The following SNX33 variants were observed in gnomAD, a reference collection of about 807,000 sequenced individuals.
SNX33 encodes sorting nexin-33.
Under a neutral mutation model 38.8 loss-of-function variants are expected in SNX33, and 19 were observed. The observed-to-expected ratio is 0.49, with a 90% confidence interval of 0.34 to 0.72. The LOEUF is 0.72. SNX33 is among the 30% of genes least tolerant of loss of function. SNX33 has a pLI of 0.01. For synonymous variants in SNX33, 246 were observed against 289.7 expected, an observed-to-expected ratio of 0.85 and a Z score of 1.53; for missense variants, 641 against 776.4, an observed-to-expected ratio of 0.83 and a Z score of 2.07.
rs1234927551 is a variant in SNX33 at position 75,650,938 on chromosome 15, C to A, written c.1471+365C>A. Reference sequence around the variant, plus strand: ...TCTGTGGCAAATGTGCTTCTAGGTGCAGGGATATTGTTGTGCACAGGCCCG... The same window carrying A: ...TCTGTGGCAAATGTGCTTCTAGGTGAAGGGATATTGTTGTGCACAGGCCCG... On this transcript the variant is annotated intron_variant, in intron 1 of 1. Transcript: ENST00000308527. This position sits in a 1 kb window ranked among gnomAD's most constrained non-coding sequence, Gnocchi z 6.1. Among the ~76,000 whole-genome samples the A allele has an allele frequency of 1.4e-5, 2 of 147,064 alleles. No individual in the cohort carries two copies. Among genetic ancestry groups the A allele is most frequent in the Non-Finnish European group, 3.1e-5 (2 of 64,484 alleles).
rs779262863 is a variant in SNX33, at chr15:75,650,616, C to G, written c.1471+43C>G. The G allele has an allele frequency of 6.5e-7, 1 of 1,541,236 alleles. No individual in the cohort carries two copies. Among genetic ancestry groups the G allele is most frequent in the African/African-American group, 1.4e-5 (1 of 72,840 alleles). On this transcript the variant is annotated intron_variant, in intron 1 of 1. Coordinates refer to ENST00000308527, the MANE Select transcript of SNX33 (RefSeq NM_153271.2). The surrounding 1 kb of genome is among the most constrained non-coding windows in gnomAD (Gnocchi z 6.1). ...CAGGAAACTCGTCCTGAGTCTGGCT[C>G]TCTGCTGGGCCCTGGGGAGATGGGG...
chr15:75,657,019 A>C lies in SNX33; in HGVS notation c.1529A>C (p.Gln510Pro), dbSNP rs896825447. 2 of 1,614,136 alleles carry C rather than the reference A, an allele frequency of 1.2e-6. No homozygotes were observed. The highest frequency in any genetic ancestry group is 1.7e-6 in the Non-Finnish European group (2 of 1,180,014). ...ATGAGTGACGAGGGCCGCATGGTGC[A>C]GGACGAGGCAGACGGCATTCGCAGG... ...QRMSDEGRMV[Q>P]DEADGIRRRC... The change falls in exon 2 of 2, where the codon CAG (glutamine) becomes CCG (proline). Residue 510 changes from glutamine to proline, a missense_variant. Coordinates refer to ENST00000308527, the MANE Select transcript of SNX33 (RefSeq NM_153271.2). The surrounding 1 kb of genome is among the most constrained non-coding windows in gnomAD (Gnocchi z 5.5).
intron 1 of SNX33, among the ~76,000 whole-genome samples, chr15:75,653,073 C>A (rs115844521): frequency 0.015 from 2,339 of 152,288 alleles, 57 homozygotes; most frequent in African/African-American, 0.053. Context: ...AGAGATTTCT[C>A]CCCTCAGTCT....
chr15:75,648,962 T>G lies in SNX33; in HGVS notation c.-141T>G. On this transcript the variant is annotated 5_prime_UTR_variant, in exon 1 of 2. An upstream open reading frame in the 5' UTR loses its in-frame stop. Coordinates refer to ENST00000308527, the MANE Select transcript of SNX33 (RefSeq NM_153271.2). The surrounding 1 kb of genome is among the most constrained non-coding windows in gnomAD (Gnocchi z 4.4). ...GAGACTGGACAGCATCTGTGGGTGC[T>G]GAGACCCCACCTTAGGACCTGAGAG... 7.5e-6 allele frequency: 8 copies of G among 1,071,984 alleles called. No homozygotes were observed. Among genetic ancestry groups the G allele is most frequent in the South Asian group, 1.8e-5 (1 of 55,794 alleles). The allele number at this position is 1,071,984 out of a possible 1,614,324, so 66.4% of individuals were successfully genotyped here. A position where few individuals can be genotyped will look rare whatever the true frequency, so the allele number is the denominator to read the frequency against.
Position 75,657,013 on chromosome 15 carries a change from T to C in SNX33, c.1523T>C (p.Met508Thr). The C allele has an allele frequency of 6.2e-7, 1 of 1,614,056 alleles. No individual in the cohort carries two copies. ...ESQRMSDEGR[M>T]VQDEADGIRR... ...CAACGCATGAGTGACGAGGGCCGCATGGTGCAGGACGAGGCAGACGGCATT... is the reference window on the plus strand; with the variant it reads ...CAACGCATGAGTGACGAGGGCCGCACGGTGCAGGACGAGGCAGACGGCATT... Residue 508 changes from methionine (M) to threonine (T), a missense_variant, in exon 2 of 2, where the codon ATG becomes ACG. Met to Thr is a moderately conservative substitution (Grantham distance 81). This residue lies in a region of SNX33 where 398 missense variants were observed against 542.5 expected (regional missense o/e 0.73). Transcript: ENST00000308527. The surrounding 1 kb of genome is among the most constrained non-coding windows in gnomAD (Gnocchi z 5.5).
intron 1 of SNX33, among the ~76,000 whole-genome samples, chr15:75,651,867 A>G (rs1328660977): frequency 6.6e-6 from 1 of 152,144 alleles, no homozygotes; most frequent in Admixed American, 6.5e-5. Flanking sequence ...AACAGGAAAC[A>G]TGTCACCCAC....
intron 1 of SNX33, among the ~76,000 whole-genome samples, chr15:75,653,569 T>C (rs1055301671): frequency 6.6e-6 from 1 of 152,240 alleles, no homozygotes; most frequent in Non-Finnish European, 1.5e-5. Flanking sequence ...CCAGGCTGTT[T>C]CCACTGTGCC....
chr15:75,650,635 G>T lies in SNX33; in HGVS notation c.1471+62G>T. On this transcript the variant is annotated intron_variant, in intron 1 of 1. Transcript: ENST00000308527. This position sits in a 1 kb window ranked among gnomAD's most constrained non-coding sequence, Gnocchi z 6.1. ...CTGGCTCTCTGCTGGGCCCTGGGGAGATGGGGATGGCCTGGATAGAATGGA... is the reference window on the plus strand; with the variant it reads ...CTGGCTCTCTGCTGGGCCCTGGGGATATGGGGATGGCCTGGATAGAATGGA... 6.6e-7 allele frequency: 1 copy of T among 1,506,584 alleles called. No individual in the cohort carries two copies. The highest frequency in any genetic ancestry group is 1.4e-5 in the South Asian group (1 of 73,530). 93.3% of individuals were successfully genotyped at this position (1,506,584 alleles called of 1,614,324 possible). A position where few individuals can be genotyped will look rare whatever the true frequency, so the allele number is the denominator to read the frequency against.
chr15:75,651,438 C>T (rs898734834), intron 1 of SNX33, among the ~76,000 whole-genome samples: 6 of 152,190 alleles, frequency 3.9e-5, no homozygotes, highest in African/African-American at 1.4e-4. Context: ...CTCATGACCC[C>T]CTCTGTGGGG....
intron 1 of SNX33, among the ~76,000 whole-genome samples, chr15:75,652,312 G>T (rs1893594834): frequency 6.6e-6 from 1 of 152,230 alleles, no homozygotes; most frequent in African/African-American, 2.4e-5. Context: ...AGGTGGCCAG[G>T]CCTGCTGGGG....
chr15:75,649,885 A>C lies in SNX33; in HGVS notation c.783A>C (p.Ser261=). ...SYKLTPTHAA[S]PVYRRYKHFD... is the part of the protein sequence containing the mutation. The stretch of plus-strand genomic sequence containing the variant: ...AGCTCACACCCACCCATGCTGCCTC[A>C]CCCGTCTACCGGCGCTACAAACACT... Residue 261 remains serine, a synonymous_variant, in exon 1 of 2, where the codon TCA becomes TCC. Transcript: ENST00000308527. The surrounding 1 kb of genome is among the most constrained non-coding windows in gnomAD (Gnocchi z 6.6). The C allele has an allele frequency of 6.5e-7, 1 of 1,547,864 alleles. No homozygotes were observed. Among genetic ancestry groups the C allele is most frequent in the Non-Finnish European group, 8.7e-7 (1 of 1,149,866 alleles).
chr15:75,650,588 A>C lies in SNX33; in HGVS notation c.1471+15A>C, dbSNP rs750671087. ...TCTACAAAAAGGTAAGGCCCAGTGC[A>C]GGCAGGAAACTCGTCCTGAGTCTGG... On this transcript the variant is annotated intron_variant, in intron 1 of 1. Coordinates refer to ENST00000308527, the MANE Select transcript of SNX33 (RefSeq NM_153271.2). The surrounding 1 kb of genome is among the most constrained non-coding windows in gnomAD (Gnocchi z 6.1). 4 of 1,568,046 alleles carry C rather than the reference A, an allele frequency of 2.6e-6. No individual in the cohort carries two copies. The highest frequency in any genetic ancestry group is 2.6e-6 in the Non-Finnish European group (3 of 1,155,760).
At chr15:75,654,274 T>C (rs1192595072) in intron 1 of SNX33, among the ~76,000 whole-genome samples, 1 of 152,098 alleles carries the variant, frequency 6.6e-6, no homozygotes, top group Non-Finnish European at 1.5e-5. Context: ...ATGTGGAAAC[T>C]CCTTAAAGCA....
rs1893524757 is a variant in SNX33, at chr15:75,648,365, C to T, written c.-738C>T. On this transcript the variant is annotated 5_prime_UTR_variant, in exon 1 of 2. Transcript: ENST00000308527. This position sits in a 1 kb window ranked among gnomAD's most constrained non-coding sequence, Gnocchi z 4.4. ...GGCGGGGAGAGGGCGCCCGAGCCGG[C>T]GGGGGCTCCGGCTGCGCAGCCGGGG... is the stretch of plus-strand genomic sequence containing the variant. 2.0e-6 allele frequency: 2 copies of T among 985,132 alleles called. No individual in the cohort carries two copies. The highest frequency in any genetic ancestry group is 1.1e-4 in the East Asian group (1 of 8,786). The allele number at this position is 985,132 out of a possible 1,614,324, so 61.0% of individuals were successfully genotyped here. A position where few individuals can be genotyped will look rare whatever the true frequency, so the allele number is the denominator to read the frequency against.
At position 75,657,591 on chromosome 15, in the gene SNX33, C is replaced by T. The variant is rs1412277509; in HGVS notation, c.*376C>T. Reference sequence around the variant, plus strand: ...ACCGAGGCCTGCTGCACCCTTGGGTCGGATGCTGGGCACCCAGGGCTGTGA... The same window carrying T: ...ACCGAGGCCTGCTGCACCCTTGGGTTGGATGCTGGGCACCCAGGGCTGTGA... On this transcript the variant is annotated 3_prime_UTR_variant, in exon 2 of 2. Coordinates refer to ENST00000308527, the MANE Select transcript of SNX33 (RefSeq NM_153271.2). This position sits in a 1 kb window ranked among gnomAD's most constrained non-coding sequence, Gnocchi z 5.5. The T allele has an allele frequency of 1.3e-5, 4 of 298,790 alleles. No homozygotes were observed. Among genetic ancestry groups the T allele is most frequent in the South Asian group, 4.1e-5 (1 of 24,488 alleles). 18.5% of individuals were successfully genotyped at this position (298,790 alleles called of 1,614,324 possible). A position where few individuals can be genotyped will look rare whatever the true frequency, so the allele number is the denominator to read the frequency against.
chr15:75,653,882 A>G (rs1410157945), intron 1 of SNX33, among the ~76,000 whole-genome samples: 2 of 152,136 alleles, frequency 1.3e-5, no homozygotes, highest in East Asian at 1.9e-4. Flanking sequence ...GGCGGATCAC[A>G]GGAGTTCGAC....
At position 75,650,142 on chromosome 15, in the gene SNX33, G is replaced by A. The variant is rs534696993; in HGVS notation, c.1040G>A (p.Arg347Gln). The A allele has an allele frequency of 3.7e-6, 6 of 1,613,290 alleles. No homozygotes were observed. Among genetic ancestry groups the A allele is most frequent in the South Asian group, 1.1e-5 (1 of 90,948 alleles). ...DDKQWKMGKR[R>Q]AEKDEMVGAS... The stretch of plus-strand genomic sequence containing the variant: ...AAGCAGTGGAAGATGGGCAAACGCC[G>A]GGCGGAGAAGGATGAGATGGTGGGT... The change falls in exon 1 of 2, where the codon CGG (arginine) becomes CAG (glutamine). Residue 347 changes from arginine (R) to glutamine (Q), a missense_variant. Physicochemically the swap from Arg to Gln is conservative, Grantham distance 43. Transcript: ENST00000308527. The surrounding 1 kb of genome is among the most constrained non-coding windows in gnomAD (Gnocchi z 6.1).
In SNX33 at chr15:75,650,998, T is replaced by C. The variant is rs1189499730; in HGVS notation, c.1471+425T>C. On this transcript the variant is annotated intron_variant, in intron 1 of 1. Coordinates refer to ENST00000308527, the MANE Select transcript of SNX33 (RefSeq NM_153271.2). This position sits in a 1 kb window ranked among gnomAD's most constrained non-coding sequence, Gnocchi z 6.1. ...CTCATGGAGCTTGATATTTACCTTC[T>C]TGTCAGTTCATTCATTTTCTCTGTT... 3.3e-5 allele frequency among the ~76,000 whole-genome samples: 5 copies of C among 152,250 alleles called. No homozygotes were observed. The highest frequency in any genetic ancestry group is 1.2e-4 in the African/African-American group (5 of 41,470).
chr15:75,654,291 C>T (rs967468795), intron 1 of SNX33, among the ~76,000 whole-genome samples: 1 of 151,994 alleles, frequency 6.6e-6, no homozygotes, highest in Admixed American at 6.6e-5. Flanking sequence ...AGCACTATAC[C>T]GTGTGAGAGG....
Sources: gnomAD v4.1 joint callset for allele counts (sites outside exome capture counted in the v4.1 genomes callset) on GRCh38, gnomAD v4.1.1 for gene constraint, gnomAD v4.1.1 regional missense constraint, Gnocchi (gnomAD v3.1) non-coding constraint, MANE v1.5 for transcripts, NCBI Gene and HGNC (gene_info 2026-07-23, HGNC 2026-07-21) for gene names.